ACAD11: variants seen among roughly 807,000 people sequenced by gnomAD.
The protein encoded by ACAD11 is acyl-CoA dehydrogenase family member 11.
A neutral mutation model predicts 102.2 loss-of-function variants in ACAD11; 83 were observed. That is an observed-to-expected ratio of 0.81 (90% CI 0.68 to 0.97). ACAD11 has a LOEUF of 0.97. Among genes scored for constraint, ACAD11 ranks in the 50% least tolerant of loss-of-function variants. The pLI, the probability that ACAD11 is intolerant of heterozygous loss-of-function variation, is 0.00. For synonymous variants in ACAD11, 324 were observed against 319.8 expected (o/e 1.01, Z -0.14); for missense variants, 901 against 951.7 (o/e 0.95, Z 0.70).
At chr3:132,583,169 C>T (rs1052324768) in intron 13 of ACAD11, among the ~76,000 whole-genome samples, 3 of 152,128 alleles carry the variant, frequency 2.0e-5, no homozygotes, top group Non-Finnish European at 4.4e-5. Flanking sequence ...AGCTGTGAAT[C>T]CATCTAGTCC....
At chr3:132,628,213 A>G (rs1939899665) in intron 8 of ACAD11, 127 bp downstream of exon 8, 2 of 503,556 alleles carry the variant, frequency 4.0e-6, no homozygotes, top group East Asian at 3.4e-5. Flanking sequence ...CCAAAAATCT[A>G]TTGTGATTGG....
At chr3:132,651,199 A>G (rs979200424) in intron 1 of ACAD11, among the ~76,000 whole-genome samples, 1 of 152,094 alleles carries the variant, frequency 6.6e-6, no homozygotes, top group African/African-American at 2.4e-5. Context: ...CCTCCTGTGT[A>G]AATTCTTCCC....
intron 18 of ACAD11, 93 bp downstream of exon 18, chr3:132,561,008 C>T: frequency 1.1e-6 from 1 of 921,512 alleles, no homozygotes; most frequent in Non-Finnish European, 1.7e-6. Context: ...TTCTGAGTGC[C>T]ATCAAGATGC....
At chr3:132,631,288 A>G in intron 6 of ACAD11, 53 bp downstream of exon 6, 1 of 1,129,314 alleles carries the variant, frequency 8.9e-7, no homozygotes, top group Non-Finnish European at 1.2e-6. Context: ...TTATGAAAGT[A>G]ATAAAGACAG....
chr3:132,641,909 G>T, intron 4 of ACAD11, 63 bp downstream of exon 4: 4 of 1,392,936 alleles, frequency 2.9e-6, no homozygotes, highest in African/African-American at 2.9e-5. Flanking sequence ...TTTTTTTGTT[G>T]ACTAATAAGG....
intron 13 of ACAD11, among the ~76,000 whole-genome samples, chr3:132,599,602 T>C (rs1267097900): frequency 6.6e-6 from 1 of 151,384 alleles, no homozygotes; most frequent in South Asian, 2.1e-4. Flanking sequence ...TGTGGAAGAG[T>C]GCAGATTAAG....
intron 17 of ACAD11, among the ~76,000 whole-genome samples, chr3:132,574,584 G>A (rs894106003): frequency 2.6e-5 from 4 of 151,944 alleles, no homozygotes; most frequent in Admixed American, 2.0e-4. Flanking sequence ...TTCATAAGAT[G>A]GTCAAAAATG....
intron 13 of ACAD11, among the ~76,000 whole-genome samples, chr3:132,584,960 C>T (rs1937738230): frequency 6.6e-6 from 1 of 152,156 alleles, no homozygotes; most frequent in South Asian, 2.1e-4. Context: ...CATCAAGCTA[C>T]CAATGACTTT....
intron 13 of ACAD11, among the ~76,000 whole-genome samples, chr3:132,582,339 T>TAAA (rs34072025): frequency 1.9e-4 from 27 of 145,244 alleles, no homozygotes; most frequent in African/African-American, 6.5e-4. Flanking sequence ...CAGAAACTGT[T>TAAA]AAAAAAAAAA....
At position 132,588,003 on chromosome 3, in the gene ACAD11, C is replaced by T. The variant is rs1303643530; in HGVS notation, c.1622-8445G>A. On this transcript the variant is annotated intron_variant, in intron 13 of 19. Coordinates refer to ENST00000264990, the MANE Select transcript of ACAD11 (RefSeq NM_032169.5). ...AGTGATGGTTGCCCTAGACACTCTC[C>T]TCTGGTTCCTCAGGACACAGAGATC... Among the ~76,000 whole-genome samples the T allele has an allele frequency of 3.9e-5, 6 of 152,260 alleles. 1 individual carries two copies. The South Asian group carries it at 8.3e-4, about 21-fold the overall frequency.
At chr3:132,592,392 A>G (rs1025004566) in intron 13 of ACAD11, among the ~76,000 whole-genome samples, 2 of 152,178 alleles carry the variant, frequency 1.3e-5, no homozygotes, top group East Asian at 3.9e-4. Flanking sequence ...ATGAATGAAA[A>G]CAGATGGCTT....
chr3:132,641,535 C>T (rs1339715453), intron 4 of ACAD11, among the ~76,000 whole-genome samples: 1 of 143,696 alleles, frequency 7.0e-6, no homozygotes, highest in African/African-American at 2.6e-5. Flanking sequence ...CAGAGGGAGA[C>T]TCTGTCTCAA....
chr3:132,659,633 C>G lies in ACAD11; in HGVS notation c.119G>C (p.Arg40Pro), dbSNP rs1938020053. 6.2e-7 allele frequency: 1 copy of G among 1,610,284 alleles called. No individual in the cohort carries two copies. The highest frequency in any genetic ancestry group is 8.5e-7 in the Non-Finnish European group (1 of 1,178,472). The change falls in exon 1 of 20, where the codon CGT (arginine) becomes CCT (proline). Residue 40 changes from arginine (R) to proline (P), a missense_variant. By Grantham distance (103) the Arg-to-Pro change is moderately radical. Coordinates refer to ENST00000264990, the MANE Select transcript of ACAD11 (RefSeq NM_032169.5). ...CTGGGCAATGGTCAGCGTAGCCTCA[C>G]GTTCGGCCCCAAAGCCAGACAAGTG... is the stretch of plus-strand genomic sequence containing the variant. ...NQHLSGFGAEREATLTIAQYR... is the reference protein window; with the variant it reads ...NQHLSGFGAEPEATLTIAQYR...
rs1031238383 is a variant in ACAD11 at position 132,596,073 on chromosome 3, A to G, written c.1621+7156T>C. On this transcript the variant is annotated intron_variant, in intron 13 of 19. Coordinates refer to ENST00000264990, the MANE Select transcript of ACAD11 (RefSeq NM_032169.5). ...AGACTGGACAAAGAAAATGTGGTAC[A>G]TATACAGCATGGAATACTATGTAGC... Among the ~76,000 whole-genome samples, 6 of 152,362 alleles carry G rather than the reference A, an allele frequency of 3.9e-5. No individual in the cohort carries two copies. The East Asian group carries it at 1.2e-3, about 29-fold the overall frequency.
intron 11 of ACAD11, among the ~76,000 whole-genome samples, chr3:132,606,733 G>A (rs1009636434): frequency 1.3e-4 from 20 of 152,200 alleles, no homozygotes; most frequent in Admixed American, 6.5e-4. Flanking sequence ...CCTGCCTGCC[G>A]GCACTGAAGG....
In ACAD11 at chr3:132,578,080, T is replaced by C. The variant is rs144528990; in HGVS notation, c.1774+716A>G. Among the ~76,000 whole-genome samples, 267 of 152,278 alleles carry C rather than the reference T, an allele frequency of 1.8e-3. 2 individuals carry two copies. The highest frequency in any genetic ancestry group is 5.7e-3 in the African/African-American group (236 of 41,566). ...CAATGATAAAAAGAAAGCCAGGGGCTGGGCCCGGTGGCTCATACCTATAAT... is the reference window on the plus strand; with the variant it reads ...CAATGATAAAAAGAAAGCCAGGGGCCGGGCCCGGTGGCTCATACCTATAAT... On this transcript the variant is annotated intron_variant, in intron 15 of 19. Coordinates refer to ENST00000264990, the MANE Select transcript of ACAD11 (RefSeq NM_032169.5).
At chr3:132,594,525 T>C (rs1938215384) in intron 13 of ACAD11, among the ~76,000 whole-genome samples, 1 of 152,180 alleles carries the variant, frequency 6.6e-6, no homozygotes, top group African/African-American at 2.4e-5. Context: ...GCTGGTACCA[T>C]GAGTAAGGTA....
intron 1 of ACAD11, among the ~76,000 whole-genome samples, chr3:132,658,573 C>A (rs73000573): frequency 0.035 from 5,336 of 152,294 alleles, 162 homozygotes; most frequent in African/African-American, 0.075. Context: ...GAACTTTGAT[C>A]TGTTTCAGTT....
At chr3:132,569,541 C>A (rs1937316843) in intron 17 of ACAD11, among the ~76,000 whole-genome samples, 1 of 152,078 alleles carries the variant, frequency 6.6e-6, no homozygotes, top group Non-Finnish European at 1.5e-5. Context: ...ATTTTATTTG[C>A]AATAACCCAA....
Sources: allele counts gnomAD v4.1 joint callset (sites outside exome capture counted in the v4.1 genomes callset), GRCh38; gene constraint gnomAD v4.1.1; transcripts MANE v1.5; gene names NCBI Gene and HGNC (gene_info 2026-07-23, HGNC 2026-07-21).